The following NAT1 variants were observed in gnomAD, a reference collection of about 807,000 sequenced individuals.
The protein encoded by NAT1 is arylamine N-acetyltransferase 1.
For synonymous variants in NAT1, 144 were observed against 122.6 expected (o/e 1.17, Z -1.16); for missense variants, 400 against 339.2 (o/e 1.18, Z -1.41).
intron 2 of NAT1, 127 bp from the exon 3 acceptor site, chr8:18,221,915 A>C: frequency 9.9e-6 from 10 of 1,008,448 alleles, no homozygotes; most frequent in Non-Finnish European, 1.4e-5. Flanking sequence ...CAATGAAAGC[A>C]CTAGAAATAA....
intron 2 of NAT1, among the ~76,000 whole-genome samples, chr8:18,183,182 G>T (rs1023411248): frequency 3.3e-5 from 5 of 152,106 alleles, no homozygotes; most frequent in Admixed American, 3.3e-4. Flanking sequence ...CCAAGAGAGA[G>T]CCCACTCTTG....
At chr8:18,185,960 C>T (rs927676755) in intron 2 of NAT1, among the ~76,000 whole-genome samples, 28 of 152,122 alleles carry the variant, frequency 1.8e-4, no homozygotes, top group African/African-American at 6.3e-4. Flanking sequence ...AAGTTTAAGT[C>T]CTCTTTTTGT....
At chr8:18,219,526 C>T (rs1228647793) in intron 2 of NAT1, 37 bp downstream of exon 2, 1 of 1,212,238 alleles carries the variant, frequency 8.2e-7, no homozygotes, top group African/African-American at 1.5e-5. Flanking sequence ...CAGTGGGCTT[C>T]CTAAGCACGT....
intron 2 of NAT1, among the ~76,000 whole-genome samples, chr8:18,199,502 G>T (rs981133220): frequency 6.6e-6 from 1 of 152,030 alleles, no homozygotes; most frequent in African/African-American, 2.4e-5. Flanking sequence ...AAGGAACAGA[G>T]AAAAATGTGC....
rs536822977 is a variant in NAT1 at position 18,179,650 on chromosome 8, G to A, written n.92+8911G>A. ...GAAAATCGTACATGTGTTCTCAAATGTCTATAAGGGATCAAGTTTCAGAGG... is the reference window on the plus strand; with the variant it reads ...GAAAATCGTACATGTGTTCTCAAATATCTATAAGGGATCAAGTTTCAGAGG... On this transcript the variant is annotated intron_variant and non_coding_transcript_variant, in intron 2 of 4. Coordinates refer to the NAT1 transcript ENST00000517441. 3.3e-5 allele frequency among the ~76,000 whole-genome samples: 5 copies of A among 152,258 alleles called. No homozygotes were observed. In the South Asian group the frequency reaches 1.0e-3, roughly 32 times the overall value.
chr8:18,216,974 T>C (rs1192562582), intron 1 of NAT1: 2 of 1,550,908 alleles, frequency 1.3e-6, no homozygotes, highest in East Asian at 2.4e-5. Context: ...TACCGGTCTC[T>C]GATGATCACC....
chr8:18,186,543 A>T (rs905443764), intron 2 of NAT1, among the ~76,000 whole-genome samples: 19 of 152,052 alleles, frequency 1.2e-4, no homozygotes, highest in African/African-American at 4.6e-4. Flanking sequence ...GGCAATATTT[A>T]TTTTGTAAAT....
chr8:18,207,858 A>G (rs1180278722), upstream of NAT1, among the ~76,000 whole-genome samples: 2 of 152,236 alleles, frequency 1.3e-5, no homozygotes, highest in East Asian at 3.8e-4. Flanking sequence ...AAGACATGGA[A>G]TCAACCCAAA....
chr8:18,188,144 T>C (rs1381080365), intron 2 of NAT1, among the ~76,000 whole-genome samples: 1 of 152,122 alleles, frequency 6.6e-6, no homozygotes, highest in Non-Finnish European at 1.5e-5. Flanking sequence ...ACACTAGAAA[T>C]AAAGGACGCT....
chr8:18,183,017 T>C (rs1283350920), intron 2 of NAT1, among the ~76,000 whole-genome samples: 1 of 152,192 alleles, frequency 6.6e-6, no homozygotes, highest in Non-Finnish European at 1.5e-5. Flanking sequence ...TGTCTTAGTC[T>C]ATTTTGTGCT....
chr8:18,215,174 T>G (rs1589114163), intron 1 of NAT1, among the ~76,000 whole-genome samples: 1 of 152,232 alleles, frequency 6.6e-6, no homozygotes, highest in Non-Finnish European at 1.5e-5. Context: ...TATTCCATGG[T>G]GTATAAGTGC....
chr8:18,192,029 A>G (rs1465971451), intron 2 of NAT1, among the ~76,000 whole-genome samples: 1 of 151,664 alleles, frequency 6.6e-6, no homozygotes, highest in Non-Finnish European at 1.5e-5. Context: ...CAGCAAAAGA[A>G]ACTACCATCA....
At chr8:18,176,651 G>C (rs897121453) in intron 2 of NAT1, among the ~76,000 whole-genome samples, 2 of 151,226 alleles carry the variant, frequency 1.3e-5, no homozygotes, top group Non-Finnish European at 2.9e-5. Flanking sequence ...CAGGAAATGT[G>C]ATGCCTTCTA....
At chr8:18,219,328 T>C (rs1805037101) in intron 1 of NAT1, 83 bp from the exon 2 acceptor site, 20 of 907,416 alleles carry the variant, frequency 2.2e-5, no homozygotes, top group Non-Finnish European at 3.0e-5. Flanking sequence ...GAAATCTTCA[T>C]AATTTACGGT....
intron 2 of NAT1, among the ~76,000 whole-genome samples, chr8:18,194,377 G>T (rs556720062): frequency 6.6e-5 from 10 of 152,196 alleles, no homozygotes; most frequent in African/African-American, 2.4e-4. Context: ...TGACAATTAG[G>T]ATTTCTCAGA....
chr8:18,184,602 G>T (rs908418423), intron 2 of NAT1, among the ~76,000 whole-genome samples: 3 of 152,160 alleles, frequency 2.0e-5, no homozygotes, highest in Non-Finnish European at 2.9e-5. Flanking sequence ...ATAATTAACA[G>T]CATTTTAAGT....
chr8:18,178,696 C>A (rs1446582578), intron 2 of NAT1, among the ~76,000 whole-genome samples: 3 of 152,132 alleles, frequency 2.0e-5, no homozygotes, highest in Non-Finnish European at 4.4e-5. Flanking sequence ...ACAATTGAGT[C>A]ATATTCCTTT....
intron 2 of NAT1, among the ~76,000 whole-genome samples, chr8:18,179,100 TG>T (rs1010624801): frequency 2.0e-5 from 3 of 152,160 alleles, no homozygotes; most frequent in Non-Finnish European, 4.4e-5. Flanking sequence ...CACTCTGTCC[TG>T]GCCAATTTGT....
chr8:18,192,733 C>T (rs891330078), intron 2 of NAT1, among the ~76,000 whole-genome samples: 3 of 151,740 alleles, frequency 2.0e-5, no homozygotes, highest in Non-Finnish European at 2.9e-5. Context: ...AGTAAACTAT[C>T]GCAAGGACAA....
Sources: allele counts gnomAD v4.1 joint callset (sites outside exome capture counted in the v4.1 genomes callset), GRCh38; gene constraint gnomAD v4.1.1; transcripts MANE v1.5; gene names NCBI Gene and HGNC (gene_info 2026-07-23, HGNC 2026-07-21).